JAK3: variants seen among roughly 807,000 people sequenced by gnomAD.
JAK3 encodes tyrosine-protein kinase JAK3.
JAK3 carries 88 observed loss-of-function variants against 120.8 expected under a neutral mutation model. The observed-to-expected ratio is 0.73, with a 90% CI of 0.61 to 0.87. The LOEUF (loss-of-function observed/expected upper bound fraction) is 0.87. Among genes scored for constraint, JAK3 ranks in the 40% least tolerant of loss-of-function variants. The pLI, the probability that JAK3 is intolerant of heterozygous loss-of-function variation, is 0.00. For synonymous variants in JAK3, 592 were observed against 628.6 expected (o/e 0.94, Z 0.87); for missense variants, 1,254 against 1,501.4 (o/e 0.84, Z 2.72).
At position 17,834,608 on chromosome 19, in the gene JAK3, T is replaced by C. The variant is rs2147681438; in HGVS notation, c.2313A>G (p.Arg771=). Residue 771 remains arginine (R), a synonymous_variant, in exon 17 of 24, where the codon CGA becomes CGG. Transcript: ENST00000458235. ...AYEPVQRPSF[R]AVIRDLNSLI... is the part of the protein sequence containing the mutation. ...GGCTATTGAGGTCACGAATGACGGC[T>C]CGGAAGGAGGGCCTCTGGACCGGCT... 1 of 1,610,640 alleles carries C rather than the reference T, an allele frequency of 6.2e-7. No individual in the cohort carries two copies. The highest frequency in any genetic ancestry group is 8.5e-7 in the Non-Finnish European group (1 of 1,178,454).
In JAK3 at chr19:17,826,432, G is replaced by A; in HGVS notation, c.*311C>T. Reference sequence around the variant, plus strand: ...AAAATAAAAAGAGAGAGACAGAAAAGGAAACTCAGGGGGCCAGGGCTTAAG... The same window carrying A: ...AAAATAAAAAGAGAGAGACAGAAAAAGAAACTCAGGGGGCCAGGGCTTAAG... On this transcript the variant is annotated 3_prime_UTR_variant, in exon 24 of 24. Coordinates refer to ENST00000458235, the MANE Select transcript of JAK3 (RefSeq NM_000215.4). 2 of 371,654 alleles carry A rather than the reference G, an allele frequency of 5.4e-6. No individual in the cohort carries two copies. The highest frequency in any genetic ancestry group is 4.1e-5 in the East Asian group (1 of 24,126). 23.0% of individuals were successfully genotyped at this position (371,654 alleles called of 1,614,324 possible).
chr19:17,841,366 G>C lies in JAK3; in HGVS notation c.1142+23C>G, dbSNP rs910004333. The C allele has an allele frequency of 4.5e-6, 7 of 1,540,618 alleles. No homozygotes were observed. The highest frequency in any genetic ancestry group is 6.1e-6 in the Non-Finnish European group (7 of 1,145,780). On this transcript the variant is annotated intron_variant, in intron 8 of 23. Transcript: ENST00000458235. The surrounding 1 kb of genome is among the most constrained non-coding windows in gnomAD (Gnocchi z 4.1). Reference sequence around the variant, plus strand: ...GGGGCCCTGAGTGGCCACAGAGGCCGGGAATGGGGGACAGGTCCTTACGTG... The same window carrying C: ...GGGGCCCTGAGTGGCCACAGAGGCCCGGAATGGGGGACAGGTCCTTACGTG...
chr19:17,834,435 C>T, intron 17 of JAK3, 136 bp downstream of exon 17: 2 of 841,466 alleles, frequency 2.4e-6, no homozygotes, highest in South Asian at 2.9e-5. Context: ...TGTTGAAGCT[C>T]ACACTGACTG....
At chr19:17,830,247 G>C (rs747208822) in intron 22 of JAK3, 29 bp from the exon 23 acceptor site, 28 of 1,530,394 alleles carry the variant, frequency 1.8e-5, no homozygotes, top group Admixed American at 3.9e-5. Context: ...GCATGTGGTG[G>C]GGGAGGAGCC....
chr19:17,831,449 G>A lies in JAK3; in HGVS notation c.2806-49C>T, dbSNP rs757072813. The A allele has an allele frequency of 5.0e-6, 8 of 1,596,532 alleles. No individual in the cohort carries two copies. Among genetic ancestry groups the A allele is most frequent in the Non-Finnish European group, 1.7e-6 (2 of 1,177,668 alleles). On this transcript the variant is annotated intron_variant, in intron 20 of 23. Transcript: ENST00000458235. This position sits in a 1 kb window ranked among gnomAD's most constrained non-coding sequence, Gnocchi z 5.1. ...GCAGAGAGGATCCCAGGATAATCCGGCAGGTACCCCAAGCGTGACCTGGCA... is the reference window on the plus strand; with the variant it reads ...GCAGAGAGGATCCCAGGATAATCCGACAGGTACCCCAAGCGTGACCTGGCA...
intron 23 of JAK3, among the ~76,000 whole-genome samples, chr19:17,828,310 C>T (rs867494538): frequency 1.3e-5 from 2 of 152,176 alleles, no homozygotes; most frequent in African/African-American, 4.8e-5. Context: ...GGCTGGAGTG[C>T]AGTGGTACAA....
In JAK3 at chr19:17,837,051, C is replaced by A. The variant is rs553669213; in HGVS notation, c.1786+78G>T. On this transcript the variant is annotated intron_variant, in intron 13 of 23. Transcript: ENST00000458235. ...GTGTGTTGCTGGGGCTGTCATATAG[C>A]GGCTCAGAACAGAGGTGGGAAGAAC... 4.1e-6 allele frequency: 4 copies of A among 980,028 alleles called. No homozygotes were observed. The South Asian group carries it at 5.5e-5, about 13-fold the overall frequency. The allele number at this position is 980,028 out of a possible 1,614,324, so 60.7% of individuals were successfully genotyped here. A position where few individuals can be genotyped will look rare whatever the true frequency, so the allele number is the denominator to read the frequency against.
chr19:17,847,807 G>C (rs1233688325), intron 1 of JAK3, 139 bp downstream of exon 1: 1 of 235,924 alleles, frequency 4.2e-6, no homozygotes, highest in Non-Finnish European at 7.3e-6. Context: ...GCTCACGTCT[G>C]CCTCGCAGCT....
rs754562580 is a variant in JAK3 at position 17,839,652 on chromosome 19, A to T, written c.1266T>A (p.Gly422=). 3.7e-6 allele frequency: 6 copies of T among 1,610,286 alleles called. No homozygotes were observed. Among genetic ancestry groups the T allele is most frequent in the Non-Finnish European group, 5.1e-6 (6 of 1,178,928 alleles). The change falls in exon 10 of 24, where the codon GGT becomes GGA. Residue 422 remains glycine (G), a synonymous_variant. Coordinates refer to ENST00000458235, the MANE Select transcript of JAK3 (RefSeq NM_000215.4). ...GGATGAGGCAGCCCTTATAATCAGGACCAAGGGGGTTCTGCAAAGAAGAGT... is the reference window on the plus strand; with the variant it reads ...GGATGAGGCAGCCCTTATAATCAGGTCCAAGGGGGTTCTGCAAAGAAGAGT... ...LLTVCVQNPL[G]PDYKGCLIRR... is the part of the protein sequence containing the mutation.
intron 10 of JAK3, among the ~76,000 whole-genome samples, chr19:17,838,769 G>A (rs970738620): frequency 1.7e-4 from 25 of 147,208 alleles, no homozygotes; most frequent in African/African-American, 6.1e-4. Flanking sequence ...AGGCTGGAGT[G>A]CAGTGGTGTG....
At position 17,825,075 on chromosome 19, in the gene JAK3, A is replaced by C. The variant is rs751827233; in HGVS notation, c.*1668T>G. 7.4e-5 allele frequency: 17 copies of C among 229,076 alleles called. No individual in the cohort carries two copies. Among genetic ancestry groups the C allele is most frequent in the Admixed American group, 6.2e-4 (11 of 17,612 alleles). The allele number at this position is 229,076 out of a possible 1,614,324, so 14.2% of individuals were successfully genotyped here. ...CTTTGCAGGTGAGGAGGAGCAGCAG[A>C]AGCTTAACCTGCATGAGAATCCCTC... On this transcript the variant is annotated 3_prime_UTR_variant, in exon 24 of 24. Transcript: ENST00000458235.
chr19:17,841,682 C>T lies in JAK3; in HGVS notation c.942G>A (p.Glu314=). The part of the protein sequence containing the change: ...KQAPRVGPAG[E]HRLVTVTRTD... ...TCCTGGTAACAGTGACCAGGCGGTG[C>T]TCTCCGGCCGGGCCAACGCGCGGGG... Residue 314 remains glutamate, a synonymous_variant, in exon 7 of 24, where the codon GAG becomes GAA. Coordinates refer to ENST00000458235, the MANE Select transcript of JAK3 (RefSeq NM_000215.4). This position sits in a 1 kb window ranked among gnomAD's most constrained non-coding sequence, Gnocchi z 4.1. The T allele has an allele frequency of 6.2e-7, 1 of 1,613,912 alleles. No homozygotes were observed. Among genetic ancestry groups the T allele is most frequent in the Non-Finnish European group, 8.5e-7 (1 of 1,179,964 alleles).
In JAK3 at chr19:17,832,565, C is replaced by T. The variant is rs762599452; in HGVS notation, c.2634G>A (p.Leu878=). 6 of 1,614,128 alleles carry T rather than the reference C, an allele frequency of 3.7e-6. No individual in the cohort carries two copies. In the Admixed American group the frequency reaches 1.0e-4, roughly 27 times the overall value. ...GATACTTGACAATGAAATCACTGTG[C>T]AGTGCTTTGAGGATCTGAATCTCCC... is the stretch of plus-strand genomic sequence containing the variant. ...FQREIQILKA[L]HSDFIVKYRG... is the part of the protein sequence containing the mutation. The change falls in exon 19 of 24, where the codon CTG becomes CTA. Residue 878 remains leucine (L), a synonymous_variant. Coordinates refer to ENST00000458235, the MANE Select transcript of JAK3 (RefSeq NM_000215.4). This position sits in a 1 kb window ranked among gnomAD's most constrained non-coding sequence, Gnocchi z 4.7.
At chr19:17,837,248 G>C in intron 12 of JAK3, 35 bp from the exon 13 acceptor site, 2 of 1,512,568 alleles carry the variant, frequency 1.3e-6, no homozygotes, top group South Asian at 2.4e-5. Context: ...AGATGCGTGG[G>C]TTTCTTCCAC....
intron 1 of JAK3, 45 bp downstream of exon 1, chr19:17,847,901 T>A: frequency 2.4e-4 from 141 of 598,536 alleles, no homozygotes; most frequent in Non-Finnish European, 2.9e-4. Flanking sequence ...ACCACCATCC[T>A]CCCCCAGTGT....
At chr19:17,839,720 T>G (rs905598912) in intron 9 of JAK3, 57 bp from the exon 10 acceptor site, 12 of 1,244,102 alleles carry the variant, frequency 9.6e-6, no homozygotes, top group African/African-American at 4.7e-5. Flanking sequence ...TCCTTCTCAG[T>G]CCTTCTTCCT....
chr19:17,828,225 CTTTGTTTTGTTTTG>C (rs1342918117), intron 23 of JAK3, among the ~76,000 whole-genome samples: 4 of 137,442 alleles, frequency 2.9e-5, no homozygotes, highest in Non-Finnish European at 4.6e-5. Context: ...ATAATTTTGT[CTTTGTTTTGTTTTG>C]TTTTGTTTTG....
Position 17,835,102 on chromosome 19 carries a change from G to A in JAK3, c.2028C>T (p.Pro676=), listed in dbSNP as rs137936180. The change falls in exon 15 of 24, where the codon CCC becomes CCT. Residue 676 remains proline (P), a synonymous_variant. Coordinates refer to ENST00000458235, the MANE Select transcript of JAK3 (RefSeq NM_000215.4). ...ACTTACTCTCCAGGCTTAACACAGC[G>A]GGGCTGACCCCAGGGTCACTCAGCT... The part of the protein sequence containing the change: ...FIKLSDPGVS[P]AVLSLEMLTD... 28 of 1,614,036 alleles carry A rather than the reference G, an allele frequency of 1.7e-5. No homozygotes were observed. The highest frequency in any genetic ancestry group is 8.3e-5 in the Admixed American group (5 of 59,994).
At chr19:17,847,871 C>A (rs1295946212) in intron 1 of JAK3, 75 bp downstream of exon 1, 7 of 723,432 alleles carry the variant, frequency 9.7e-6, no homozygotes, top group Non-Finnish European at 5.2e-6. Flanking sequence ...CACCCTGCCC[C>A]AGCCCAGCCA....
Sources: gnomAD v4.1 joint callset for allele counts (sites outside exome capture counted in the v4.1 genomes callset) on GRCh38, gnomAD v4.1.1 for gene constraint, Gnocchi (gnomAD v3.1) non-coding constraint, MANE v1.5 for transcripts, NCBI Gene and HGNC (gene_info 2026-07-23, HGNC 2026-07-21) for gene names.